Variants in EPHB4 observed in about 807,000 individuals in gnomAD.
EPHB4 encodes EPH receptor B4, also known as ephrin type-B receptor 4.
Under a neutral mutation model 110.6 loss-of-function variants are expected in EPHB4, and 50 were observed. The ratio of observed to expected loss-of-function variants is 0.45; its 90% CI spans 0.36 to 0.57. The LOEUF is 0.57. EPHB4 is among the 20% of genes least tolerant of loss of function. EPHB4 has a pLI of 0.00. For synonymous variants in EPHB4, 592 were observed against 578.4 expected (o/e 1.02, Z -0.34); for missense variants, 1,128 against 1,382.1 (o/e 0.82, Z 2.91).
At chr7:100,824,016 AC>A in intron 2 of EPHB4, 85 bp from the exon 3 acceptor site, 13 of 1,510,792 alleles carry the variant, frequency 8.6e-6, no homozygotes, top group Non-Finnish European at 1.1e-5. Context: ...AGTGAGAGGG[AC>A]TGAGAAAGGG....
intron 8 of EPHB4, among the ~76,000 whole-genome samples, chr7:100,816,358 G>C (rs1813067736): frequency 6.6e-6 from 1 of 150,604 alleles, no homozygotes; most frequent in South Asian, 2.1e-4. Context: ...TTTTGAGACA[G>C]AGTCTTGCTC....
chr7:100,818,414 G>T, intron 7 of EPHB4, 106 bp downstream of exon 7: 1 of 1,528,614 alleles, frequency 6.5e-7, no homozygotes, highest in Non-Finnish European at 8.9e-7. Context: ...GGAATCCATG[G>T]CAGAGCTGGA....
chr7:100,816,855 G>A (rs1045224484), intron 8 of EPHB4, among the ~76,000 whole-genome samples: 5 of 151,924 alleles, frequency 3.3e-5, no homozygotes, highest in East Asian at 1.9e-4. Flanking sequence ...AGGCCGAGGC[G>A]GGCGAATCAC....
Position 100,822,586 on chromosome 7 carries a change from G to A in EPHB4, c.493C>T (p.Arg165Cys), listed in dbSNP as rs920403132. 11 of 1,611,506 alleles carry A rather than the reference G, an allele frequency of 6.8e-6. No individual in the cohort carries two copies. The highest frequency in any genetic ancestry group is 9.3e-6 in the Non-Finnish European group (11 of 1,178,798). ...ATGKVNVKTL[R>C]LGPLSKAGFY... ...CCAGCCTTGCTGAGCGGTCCCAGAC[G>A]CAGCGTCTTGACATTCACCTTCCCG... Residue 165 changes from arginine (R) to cysteine (C), a missense_variant, in exon 4 of 17, where the codon CGT becomes TGT. Transcript: ENST00000358173. The surrounding 1 kb of genome is among the most constrained non-coding windows in gnomAD (Gnocchi z 4.7).
intron 12 of EPHB4, among the ~76,000 whole-genome samples, chr7:100,811,308 G>A (rs765340883): frequency 6.6e-6 from 1 of 151,480 alleles, no homozygotes; most frequent in Non-Finnish European, 1.5e-5. Flanking sequence ...GTAAAATCTG[G>A]TAAAGTGACC....
At chr7:100,813,801 G>A (rs1813003552) in intron 9 of EPHB4, 85 bp from the exon 10 acceptor site, 2 of 1,605,202 alleles carry the variant, frequency 1.2e-6, no homozygotes, top group South Asian at 1.1e-5. Context: ...AGCAGGGATT[G>A]GAGAAGATTT....
chr7:100,825,600 C>CT (rs563649371), intron 1 of EPHB4: 102 of 152,536 alleles, frequency 6.7e-4, no homozygotes, highest in African/African-American at 2.5e-3. Context: ...CTCTCCTTCG[C>CT]TTTCGGCCTC....
chr7:100,805,066 T>C (rs1048141076), intron 16 of EPHB4, 100 bp downstream of exon 16: 16 of 1,420,230 alleles, frequency 1.1e-5, no homozygotes, highest in Admixed American at 6.9e-5. Context: ...AAGACAGCAT[T>C]GGCACCCGAA....
chr7:100,806,460 G>A lies in EPHB4; in HGVS notation c.2444C>T (p.Ser815Leu). The A allele has an allele frequency of 1.2e-6, 2 of 1,613,986 alleles. No homozygotes were observed. The highest frequency in any genetic ancestry group is 1.7e-6 in the Non-Finnish European group (2 of 1,179,968). ...SYGIVMWEVM[S>L]FGERPYWDMS... ...GTCCCAGTACGGCCTCTCCCCAAAT[G>A]ACATCACCTCCCACATCACAATCCC... is the stretch of plus-strand genomic sequence containing the variant. Residue 815 changes from serine to leucine, a missense_variant, in exon 14 of 17, where the codon TCA becomes TTA. Physicochemically the swap from Ser to Leu is moderately radical, Grantham distance 145. This residue lies in a region of EPHB4 where 209 missense variants were observed against 240.5 expected (regional missense o/e 0.87). Transcript: ENST00000358173.
At chr7:100,805,918 C>T in intron 14 of EPHB4, 1 of 431,374 alleles carries the variant, frequency 2.3e-6, no homozygotes, top group Non-Finnish European at 4.0e-6. Flanking sequence ...ACCCTGCCCT[C>T]CATCTCTGCA....
At chr7:100,824,053 G>A (rs930596007) in intron 2 of EPHB4, 122 bp from the exon 3 acceptor site, 18 of 1,513,650 alleles carry the variant, frequency 1.2e-5, no homozygotes, top group East Asian at 9.2e-5. Context: ...CGAGGAGGGC[G>A]CCTCTGAGAA....
In EPHB4 at chr7:100,822,254, G is replaced by A. The variant is rs539073493; in HGVS notation, c.808+17C>T. 8.4e-6 allele frequency: 13 copies of A among 1,550,340 alleles called. No individual in the cohort carries two copies. In the East Asian group the frequency reaches 2.9e-4, roughly 35 times the overall value. ...CCCCGGATGAGCAGCAGTCGCAGGG[G>A]AAGCTCCAGCTCTCACCTCGGCACT... On this transcript the variant is annotated intron_variant, in intron 4 of 16. Transcript: ENST00000358173. The surrounding 1 kb of genome is among the most constrained non-coding windows in gnomAD (Gnocchi z 4.7).
intron 6 of EPHB4, 94 bp from the exon 7 acceptor site, chr7:100,818,738 T>A: frequency 7.0e-7 from 1 of 1,430,940 alleles, no homozygotes; most frequent in Non-Finnish European, 9.3e-7. Context: ...AGTCGTGCTC[T>A]ATCACCCAGG....
chr7:100,812,921 G>C lies in EPHB4; in HGVS notation c.1944C>G (p.Thr648=). The change falls in exon 12 of 17, where the codon ACC becomes ACG. Residue 648 remains threonine (T), a synonymous_variant. Transcript: ENST00000358173. ...GCCGCTCCGTGTAGCCACCCTTCAG[G>C]GTCTTGATTGCCACACAGCTCTCCT... The part of the protein sequence containing the change: ...GKKESCVAIK[T]LKGGYTERQR... 1 of 1,614,202 alleles carries C rather than the reference G, an allele frequency of 6.2e-7. No individual in the cohort carries two copies. Among genetic ancestry groups the C allele is most frequent in the African/African-American group, 1.3e-5 (1 of 75,068 alleles).
rs1364215320 is a variant in EPHB4 at position 100,823,846 on chromosome 7, G to A, written c.209C>T (p.Ala70Val). Residue 70 changes from alanine (A) to valine (V), a missense_variant, in exon 3 of 17, where the codon GCC becomes GTC. By Grantham distance (64) the Ala-to-Val change is moderately conservative. This residue lies in a region of EPHB4 where 728 missense variants were observed against 828.6 expected (regional missense o/e 0.88). Coordinates refer to ENST00000358173, the MANE Select transcript of EPHB4 (RefSeq NM_004444.5). Reference sequence around the variant, plus strand: ...GACCCAACCTGTGCGAAGCCAGTGGGCCTGGCCCGGGGCACGCTGCACGTC... The same window carrying A: ...GACCCAACCTGTGCGAAGCCAGTGGACCTGGCCCGGGGCACGCTGCACGTC... ...VCDVQRAPGQAHWLRTGWVPR... is the reference protein window; with the variant it reads ...VCDVQRAPGQVHWLRTGWVPR... 7 of 1,612,786 alleles carry A rather than the reference G, an allele frequency of 4.3e-6. No individual in the cohort carries two copies. The Admixed American group carries it at 5.0e-5, about 12-fold the overall frequency.
chr7:100,823,574 C>A lies in EPHB4; in HGVS notation c.411+70G>T, dbSNP rs1055386080. The A allele has an allele frequency of 7.0e-6, 11 of 1,563,598 alleles. No individual in the cohort carries two copies. The Middle Eastern group carries it at 7.3e-4, about 104-fold the overall frequency. On this transcript the variant is annotated intron_variant, in intron 3 of 16. Transcript: ENST00000358173. ...AGGCCTCGCAACTACATCGGCTGCCCTCCAGGCCACGGGCCTGCTGGCTGG... is the reference window on the plus strand; with the variant it reads ...AGGCCTCGCAACTACATCGGCTGCCATCCAGGCCACGGGCCTGCTGGCTGG...
chr7:100,808,191 C>T (rs943869681), intron 12 of EPHB4, among the ~76,000 whole-genome samples: 2 of 152,138 alleles, frequency 1.3e-5, no homozygotes, highest in African/African-American at 4.8e-5. Context: ...CTGCTTTATA[C>T]CCAGGAAATA....
intron 12 of EPHB4, 64 bp from the exon 13 acceptor site, chr7:100,807,644 A>T: frequency 6.6e-7 from 1 of 1,518,370 alleles, no homozygotes; most frequent in Non-Finnish European, 8.9e-7. Flanking sequence ...CCTCCCATCC[A>T]CATCTTTTTT....
At chr7:100,806,177 C>T (rs549853280) in intron 14 of EPHB4, 22 of 334,334 alleles carry the variant, frequency 6.6e-5, no homozygotes, top group African/African-American at 4.3e-4. Context: ...CCAGGCTGGT[C>T]TTGAACTCCT....
Sources: allele counts gnomAD v4.1 joint callset (sites outside exome capture counted in the v4.1 genomes callset), GRCh38; gene constraint gnomAD v4.1.1; regional missense constraint gnomAD v4.1.1; non-coding constraint Gnocchi (gnomAD v3.1); transcripts MANE v1.5; gene names NCBI Gene and HGNC (gene_info 2026-07-23, HGNC 2026-07-21).